RPTOR: variants seen among roughly 807,000 people sequenced by gnomAD.
RPTOR encodes regulatory associated protein of MTOR complex 1, also known as regulatory-associated protein of mTOR.
RPTOR carries 21 observed loss-of-function variants against 169.9 expected under a neutral mutation model. The ratio of observed to expected loss-of-function variants is 0.12; its 90% CI spans 0.09 to 0.18. The LOEUF (loss-of-function observed/expected upper bound fraction) is 0.18. Ranked by LOEUF, RPTOR falls within the 10% of genes least tolerant of loss-of-function variation. RPTOR has a pLI of 1.00. For synonymous variants in RPTOR, 732 were observed against 753.2 expected (o/e 0.97, Z 0.46); for missense variants, 1,133 against 1,855.9 (o/e 0.61, Z 7.16).
intron 28 of RPTOR, among the ~76,000 whole-genome samples, chr17:80,956,983 G>A (rs936463742): frequency 3.9e-5 from 6 of 152,264 alleles, no homozygotes; most frequent in Non-Finnish European, 8.8e-5. Flanking sequence ...TCCCTCTAGC[G>A]ATGCCTGGGG....
chr17:80,824,308 A>G (rs2067415294), intron 9 of RPTOR, among the ~76,000 whole-genome samples: 1 of 152,238 alleles, frequency 6.6e-6, no homozygotes, highest in African/African-American at 2.4e-5. Context: ...ATAAGGAGAA[A>G]AGGAAATTGA....
intron 6 of RPTOR, among the ~76,000 whole-genome samples, chr17:80,775,342 C>T (rs1438665503): frequency 6.6e-6 from 1 of 152,150 alleles, no homozygotes; most frequent in Non-Finnish European, 1.5e-5. Flanking sequence ...AACTCCTGGC[C>T]TCAAGCGATC....
At chr17:80,589,408 T>C (rs1197505247) in intron 1 of RPTOR, among the ~76,000 whole-genome samples, 3 of 152,092 alleles carry the variant, frequency 2.0e-5, no homozygotes, top group African/African-American at 7.2e-5. Context: ...ATTTGGATCC[T>C]CCAGAGTTTC....
intron 1 of RPTOR, among the ~76,000 whole-genome samples, chr17:80,619,441 C>G (rs2065338678): frequency 6.6e-6 from 1 of 152,156 alleles, no homozygotes; most frequent in Non-Finnish European, 1.5e-5. Context: ...TGAAGGAAGA[C>G]TCTAGTAAGG....
intron 6 of RPTOR, among the ~76,000 whole-genome samples, chr17:80,773,262 G>A (rs958171337): frequency 1.3e-5 from 2 of 152,358 alleles, no homozygotes; most frequent in East Asian, 1.9e-4. Context: ...CCAAAGCCCC[G>A]AGGGACTGTG....
At chr17:80,885,877 T>G (rs2068240283) in intron 17 of RPTOR, among the ~76,000 whole-genome samples, 1 of 152,174 alleles carries the variant, frequency 6.6e-6, no homozygotes, top group South Asian at 2.1e-4. Context: ...TACTTACCTG[T>G]TTAGATGTAG....
intron 19 of RPTOR, 23 bp from the exon 20 acceptor site, chr17:80,893,684 T>G: frequency 6.2e-7 from 1 of 1,603,870 alleles, no homozygotes; most frequent in South Asian, 1.1e-5. Context: ...AGCACCCCAC[T>G]GACCCCGTTG....
At chr17:80,852,744 T>G (rs1355922437) in intron 11 of RPTOR, among the ~76,000 whole-genome samples, 6 of 151,246 alleles carry the variant, frequency 4.0e-5, no homozygotes, top group Non-Finnish European at 5.9e-5. Flanking sequence ...AGTGCTCTTC[T>G]CCCACCACAG....
rs1009291588 is a variant in RPTOR at position 80,861,801 on chromosome 17, T to C, written c.1509+3901T>C. Among the ~76,000 whole-genome samples, 9 of 152,170 alleles carry C rather than the reference T, an allele frequency of 5.9e-5. No homozygotes were observed. Among genetic ancestry groups the C allele is most frequent in the Admixed American group, 2.6e-4 (4 of 15,286 alleles). On this transcript the variant is annotated intron_variant, in intron 13 of 33. Coordinates refer to ENST00000306801, the MANE Select transcript of RPTOR (RefSeq NM_020761.3). This position sits in a 1 kb window ranked among gnomAD's most constrained non-coding sequence, Gnocchi z 4.5. The stretch of plus-strand genomic sequence containing the variant: ...CTCAGACTTCGTGTTTTTAGTACCT[T>C]TTAGGACCTGGAAATTGATGATGTC...
chr17:80,564,706 A>G (rs1237658561), intron 1 of RPTOR, among the ~76,000 whole-genome samples: 3 of 151,680 alleles, frequency 2.0e-5, no homozygotes, highest in African/African-American at 7.3e-5. Context: ...TATCAAGCCT[A>G]GTACCCAATA....
intron 23 of RPTOR, among the ~76,000 whole-genome samples, chr17:80,924,816 ACT>A (rs1439960761): frequency 6.6e-6 from 1 of 152,018 alleles, no homozygotes; most frequent in Non-Finnish European, 1.5e-5. Flanking sequence ...GCACACACAG[ACT>A]CTGACAGCCC....
chr17:80,855,909 T>C (rs536347122), intron 12 of RPTOR, among the ~76,000 whole-genome samples: 2 of 152,320 alleles, frequency 1.3e-5, no homozygotes, highest in Non-Finnish European at 1.5e-5. Context: ...CTCGTGGTGC[T>C]GCTTCCCCCA....
chr17:80,679,912 G>A lies in RPTOR; in HGVS notation c.349-27929G>A, dbSNP rs190038875. The stretch of plus-strand genomic sequence containing the variant: ...AGGCTGGGTGAGGTGTCCTCTCCAC[G>A]GTTCCCCAGAGCCCAGAGAGGCGGA... On this transcript the variant is annotated intron_variant, in intron 3 of 33. Transcript: ENST00000306801. 3.7e-4 allele frequency among the ~76,000 whole-genome samples: 48 copies of A among 128,376 alleles called. 1 individual carries two copies. Among genetic ancestry groups the A allele is most frequent in the African/African-American group, 1.6e-3 (44 of 26,916 alleles). 84.2% of individuals were successfully genotyped at this position (128,376 alleles called of 152,430 possible).
At chr17:80,742,417 G>A (rs1268982044) in intron 5 of RPTOR, among the ~76,000 whole-genome samples, 3 of 151,744 alleles carry the variant, frequency 2.0e-5, no homozygotes, top group East Asian at 1.9e-4. Flanking sequence ...GGATGCAGAC[G>A]CACAGCACAA....
chr17:80,561,428 A>G (rs1293496402), intron 1 of RPTOR, among the ~76,000 whole-genome samples: 1 of 148,230 alleles, frequency 6.7e-6, no homozygotes, highest in Admixed American at 6.7e-5. Flanking sequence ...ATTTTATTTT[A>G]TTTTTATTTT....
chr17:80,884,579 G>T (rs113636849), intron 16 of RPTOR, among the ~76,000 whole-genome samples: 1 of 152,184 alleles, frequency 6.6e-6, no homozygotes, highest in Non-Finnish European at 1.5e-5. Flanking sequence ...GCACAGTGTC[G>T]CTCCCCTGGC....
In RPTOR at chr17:80,633,518, T is replaced by C. The variant is rs1176575104; in HGVS notation, c.265+7725T>C. 6.6e-6 allele frequency among the ~76,000 whole-genome samples: 1 copy of C among 152,230 alleles called. No homozygotes were observed. Among genetic ancestry groups the C allele is most frequent in the Non-Finnish European group, 1.5e-5 (1 of 68,036 alleles). ...TCCGGTGTCTCCTAATGATTCCGTT[T>C]AGGTCATGCTTCGCTGGCAGGAGCA... is the stretch of plus-strand genomic sequence containing the variant. On this transcript the variant is annotated intron_variant, in intron 2 of 33. Transcript: ENST00000306801. This position sits in a 1 kb window ranked among gnomAD's most constrained non-coding sequence, Gnocchi z 4.1.
rs367842679 is a variant in RPTOR at position 80,940,510 on chromosome 17, C to G, written c.2934C>G (p.His978Gln). ...AQPVMKIPEE[H>Q]DLESQIRKER... ...TGTTGTTGAAGATCCCAGAAGAGCACGACCTGGAGAGTCAGATCCGCAAGG... is the reference window on the plus strand; with the variant it reads ...TGTTGTTGAAGATCCCAGAAGAGCAGGACCTGGAGAGTCAGATCCGCAAGG... The change falls in exon 25 of 34, where the codon CAC becomes CAG. Residue 978 changes from histidine to glutamine, a missense_variant. Around this residue, in one of 9 missense-constraint regions of RPTOR, gnomAD observed 410 missense variants for 623.7 expected, o/e 0.66. Transcript: ENST00000306801. 6.2e-7 allele frequency: 1 copy of G among 1,613,526 alleles called. No individual in the cohort carries two copies. Among genetic ancestry groups the G allele is most frequent in the Non-Finnish European group, 8.5e-7 (1 of 1,179,820 alleles).
intron 3 of RPTOR, among the ~76,000 whole-genome samples, chr17:80,684,772 C>T (rs1241162168): frequency 6.6e-6 from 1 of 152,162 alleles, no homozygotes; most frequent in Non-Finnish European, 1.5e-5. Context: ...CCTGCTCTTA[C>T]ATGGCAAGAT....
Sources: allele counts gnomAD v4.1 joint callset (sites outside exome capture counted in the v4.1 genomes callset), GRCh38; gene constraint gnomAD v4.1.1; regional missense constraint gnomAD v4.1.1; non-coding constraint Gnocchi (gnomAD v3.1); transcripts MANE v1.5; gene names NCBI Gene and HGNC (gene_info 2026-07-23, HGNC 2026-07-21).